Variants in KCNN3 observed in about 807,000 individuals in gnomAD.
KCNN3 encodes the protein small conductance calcium-activated potassium channel protein 3.
A neutral mutation model predicts 62.9 loss-of-function variants in KCNN3; 16 were observed. That is an observed-to-expected ratio of 0.25 (90% CI 0.17 to 0.39). The LOEUF (loss-of-function observed/expected upper bound fraction) is 0.39. Among genes scored for constraint, KCNN3 ranks in the 10% least tolerant of loss-of-function variants. The pLI is 1.00. For synonymous variants in KCNN3, 370 were observed against 389.2 expected (o/e 0.95, Z 0.58); for missense variants, 599 against 949.4 (o/e 0.63, Z 4.85).
At position 154,704,824 on chromosome 1, in the gene KCNN3, G is replaced by C. The variant is rs960328263; in HGVS notation, c.*3152C>G. ...GAGTCTTGCTCGGTCACCCAAGCTG[G>C]AGTGCAATGGCACGATCTTGGCTCA... On this transcript the variant is annotated 3_prime_UTR_variant, in exon 8 of 8. Transcript: ENST00000271915. 1 of 151,248 alleles carries C rather than the reference G, an allele frequency of 6.6e-6. No individual in the cohort carries two copies. Among genetic ancestry groups the C allele is most frequent in the Non-Finnish European group, 1.5e-5 (1 of 67,942 alleles). The allele number at this position is 151,248 out of a possible 1,614,324, so 9.4% of individuals were successfully genotyped here. A position where few individuals can be genotyped will look rare whatever the true frequency, so the allele number is the denominator to read the frequency against.
intron 1 of KCNN3, among the ~76,000 whole-genome samples, chr1:154,863,645 G>A (rs1250981290): frequency 6.6e-6 from 1 of 152,000 alleles, no homozygotes; most frequent in Non-Finnish European, 1.5e-5. Flanking sequence ...TTTTCATTTT[G>A]ACTTTCTTTA....
chr1:154,712,767 T>G (rs1435052214), intron 7 of KCNN3, among the ~76,000 whole-genome samples: 3 of 152,188 alleles, frequency 2.0e-5, no homozygotes, highest in Non-Finnish European at 4.4e-5. Flanking sequence ...CTGCCAGCAG[T>G]GTGGCCTTCG....
At chr1:154,856,463 G>C (rs752024119) in intron 1 of KCNN3, among the ~76,000 whole-genome samples, 1 of 152,098 alleles carries the variant, frequency 6.6e-6, no homozygotes, top group Non-Finnish European at 1.5e-5. Flanking sequence ...TGGTGCTCAC[G>C]ACCTTCCCGC....
intron 2 of KCNN3, among the ~76,000 whole-genome samples, chr1:154,788,969 CACGT>C (rs1034739203): frequency 1.3e-5 from 2 of 152,270 alleles, no homozygotes; most frequent in East Asian, 3.9e-4. Flanking sequence ...CCCCAGAGTC[CACGT>C]ACACTCATTT....
chr1:154,776,338 A>G (rs1448602585), intron 2 of KCNN3, among the ~76,000 whole-genome samples: 3 of 152,136 alleles, frequency 2.0e-5, no homozygotes, highest in African/African-American at 7.2e-5. Context: ...AAAGTTGGAC[A>G]GTGCTTTACT....
chr1:154,727,988 G>A (rs542554931), intron 4 of KCNN3, among the ~76,000 whole-genome samples: 24 of 152,280 alleles, frequency 1.6e-4, no homozygotes, highest in African/African-American at 4.1e-4. Flanking sequence ...CCCTCCTCTC[G>A]CTAGGCCCAG....
At position 154,705,921 on chromosome 1, in the gene KCNN3, T is replaced by G. The variant is rs137857928; in HGVS notation, c.*2055A>C. 9 of 152,374 alleles carry G rather than the reference T, an allele frequency of 5.9e-5. No individual in the cohort carries two copies. In the East Asian group the frequency reaches 1.5e-3, roughly 26 times the overall value. 9.4% of individuals were successfully genotyped at this position (152,374 alleles called of 1,614,324 possible). On this transcript the variant is annotated 3_prime_UTR_variant, in exon 8 of 8. Coordinates refer to ENST00000271915, the MANE Select transcript of KCNN3 (RefSeq NM_002249.6). ...CTTCATCTGTTTACACATCTGCTTA[T>G]ATGTTCAGCTGAACTGTCACTGAAA...
At chr1:154,728,742 T>C (rs10494301) in intron 4 of KCNN3, among the ~76,000 whole-genome samples, 108,051 of 151,744 alleles carry the variant, frequency 0.71, 38,734 homozygotes, top group South Asian at 0.82. Flanking sequence ...CAAGTTGCGT[T>C]GCATCCTAAA....
chr1:154,718,157 TC>T (rs1641176193), intron 5 of KCNN3, among the ~76,000 whole-genome samples: 2 of 152,202 alleles, frequency 1.3e-5, no homozygotes, highest in East Asian at 3.9e-4. Flanking sequence ...TTGGCCACAA[TC>T]GGATGGGTTT....
At chr1:154,712,366 C>A (rs1249850282) in intron 7 of KCNN3, among the ~76,000 whole-genome samples, 1 of 152,132 alleles carries the variant, frequency 6.6e-6, no homozygotes, top group East Asian at 1.9e-4. Flanking sequence ...AACCACCCTG[C>A]ACTCCACGTG....
At chr1:154,776,837 C>G (rs890762202) in intron 2 of KCNN3, among the ~76,000 whole-genome samples, 12 of 152,186 alleles carry the variant, frequency 7.9e-5, no homozygotes, top group African/African-American at 2.7e-4. Flanking sequence ...CAGGCCCAGG[C>G]CCACCCCAGG....
At chr1:154,737,213 G>GA (rs367739144) in intron 3 of KCNN3, 2 of 274,694 alleles carry the variant, frequency 7.3e-6, no homozygotes, top group South Asian at 3.7e-5. Context: ...ATTTGGGGGG[G>GA]GGGGATAGCT....
Position 154,700,965 on chromosome 1 carries a change from T to G in KCNN3, c.*7011A>C, listed in dbSNP as rs1699842203. 1 of 152,070 alleles carries G rather than the reference T, an allele frequency of 6.6e-6. No individual in the cohort carries two copies. Among genetic ancestry groups the G allele is most frequent in the Non-Finnish European group, 1.5e-5 (1 of 68,028 alleles). 9.4% of individuals were successfully genotyped at this position (152,070 alleles called of 1,614,324 possible). A position where few individuals can be genotyped will look rare whatever the true frequency, so the allele number is the denominator to read the frequency against. ...GAGTAAGTAACCTGATAAAAACAAG[T>G]GCCCTGGAGTTCAGATGGCTTTAGT... On this transcript the variant is annotated 3_prime_UTR_variant, in exon 8 of 8. Coordinates refer to ENST00000271915, the MANE Select transcript of KCNN3 (RefSeq NM_002249.6).
At chr1:154,817,187 G>A (rs959761179) in intron 2 of KCNN3, among the ~76,000 whole-genome samples, 11 of 152,256 alleles carry the variant, frequency 7.2e-5, no homozygotes, top group Admixed American at 1.3e-4. Context: ...AAGCTGAAAG[G>A]CTGAAGAAAG....
At chr1:154,805,092 G>A (rs1425246974) in intron 2 of KCNN3, among the ~76,000 whole-genome samples, 2 of 152,178 alleles carry the variant, frequency 1.3e-5, no homozygotes, top group African/African-American at 2.4e-5. Context: ...CCATGGGAGG[G>A]TCCTCTCTAC....
At chr1:154,717,481 T>C (rs1426544249) in intron 5 of KCNN3, among the ~76,000 whole-genome samples, 3 of 151,748 alleles carry the variant, frequency 2.0e-5, no homozygotes, top group East Asian at 1.9e-4. Context: ...GGTTTTCATG[T>C]GGACTGAAGG....
At position 154,772,274 on chromosome 1, in the gene KCNN3, C is replaced by A. The variant is rs1648594315; in HGVS notation, c.1149G>T (p.Lys383Asn). The A allele has an allele frequency of 1.2e-6, 2 of 1,614,128 alleles. No homozygotes were observed. Among genetic ancestry groups the A allele is most frequent in the South Asian group, 1.1e-5 (1 of 91,094 alleles). Residue 383 changes from lysine (K) to asparagine (N), a missense_variant, in exon 3 of 8, where the codon AAG becomes AAT. Lys to Asn is a moderately conservative substitution (Grantham distance 94). Coordinates refer to ENST00000271915, the MANE Select transcript of KCNN3 (RefSeq NM_002249.6). The surrounding 1 kb of genome is among the most constrained non-coding windows in gnomAD (Gnocchi z 5.6). ...AGGCCAGGCGTGCCGTCCAGAAGAA[C>A]TTGTACTCGCCAGGAATGGGGTGGA... The part of the protein sequence containing the change: ...CAIHPIPGEY[K>N]FFWTARLAFS...
intron 1 of KCNN3, among the ~76,000 whole-genome samples, chr1:154,851,060 C>T (rs1400032083): frequency 6.6e-6 from 1 of 152,214 alleles, no homozygotes; most frequent in Non-Finnish European, 1.5e-5. Flanking sequence ...TCACCACAAC[C>T]TCCGCCTTCC....
rs1699917295 is a variant in KCNN3 at position 154,704,026 on chromosome 1, G to T, written c.*3950C>A. 2 of 152,300 alleles carry T rather than the reference G, an allele frequency of 1.3e-5. No individual in the cohort carries two copies. Among genetic ancestry groups the T allele is most frequent in the Middle Eastern group, 3.4e-3 (1 of 294 alleles). 9.4% of individuals were successfully genotyped at this position (152,300 alleles called of 1,614,324 possible). Reference sequence around the variant, plus strand: ...TATGACTAGGTTTCTTCTTTTCCATGATTGTTTATTCACAAGGAAATTATA... The same window carrying T: ...TATGACTAGGTTTCTTCTTTTCCATTATTGTTTATTCACAAGGAAATTATA... On this transcript the variant is annotated 3_prime_UTR_variant, in exon 8 of 8. Transcript: ENST00000271915.
Sources: gnomAD v4.1 joint callset for allele counts (sites outside exome capture counted in the v4.1 genomes callset) on GRCh38, gnomAD v4.1.1 for gene constraint, Gnocchi (gnomAD v3.1) non-coding constraint, MANE v1.5 for transcripts, NCBI Gene and HGNC (gene_info 2026-07-23, HGNC 2026-07-21) for gene names.